Variants in NHEJ1 observed in about 807,000 individuals in gnomAD.
The protein encoded by NHEJ1 is non-homologous end joining factor 1.
A neutral mutation model predicts 39.4 loss-of-function variants in NHEJ1; 22 were observed. The ratio of observed to expected loss-of-function variants is 0.56; its 90% CI spans 0.40 to 0.80. NHEJ1 has a LOEUF of 0.80. Ranked by LOEUF, NHEJ1 falls within the 30% of genes least tolerant of loss-of-function variation. The pLI is 0.00. For synonymous variants in NHEJ1, 154 were observed against 135.6 expected, an observed-to-expected ratio of 1.14 and a Z score of -0.94; for missense variants, 329 against 357.1, an observed-to-expected ratio of 0.92 and a Z score of 0.63.
rs756256025 is a variant in NHEJ1 at position 219,111,044 on chromosome 2, C to T, written c.589-32838G>A. On this transcript the variant is annotated intron_variant, in intron 5 of 7. Transcript: ENST00000356853. The surrounding 1 kb of genome is among the most constrained non-coding windows in gnomAD (Gnocchi z 4.1). ...AAAGTATTTCTCTTTACTGAAACAG[C>T]TCAAAGTTCCTTTAAATAAAACATC... Among the ~76,000 whole-genome samples the T allele has an allele frequency of 6.6e-6, 1 of 152,150 alleles. No individual in the cohort carries two copies. Among genetic ancestry groups the T allele is most frequent in the African/African-American group, 2.4e-5 (1 of 41,414 alleles).
chr2:219,147,495 CAA>C (rs1949752537), intron 4 of NHEJ1, among the ~76,000 whole-genome samples, 160 bp downstream of exon 4: 1 of 152,078 alleles, frequency 6.6e-6, no homozygotes, highest in Non-Finnish European at 1.5e-5. Context: ...AACAAACAAA[CAA>C]AAAAGAGTCA....
chr2:219,123,348 T>C (rs1340082592), intron 5 of NHEJ1, among the ~76,000 whole-genome samples: 1 of 152,204 alleles, frequency 6.6e-6, no homozygotes, highest in Non-Finnish European at 1.5e-5. Flanking sequence ...GACTGAGACT[T>C]AAGCGGAAAG....
intron 3 of NHEJ1, among the ~76,000 whole-genome samples, chr2:219,150,871 G>A (rs1305050462): frequency 7.2e-5 from 11 of 151,996 alleles, no homozygotes; most frequent in African/African-American, 2.2e-4. Context: ...CAGAAGAATC[G>A]CCTGAACCCA....
rs147805428 is a variant in NHEJ1, at chr2:219,113,557, C to T, written c.588+33123G>A. Among the ~76,000 whole-genome samples the T allele has an allele frequency of 1.2e-4, 19 of 152,240 alleles. 1 individual carries two copies. Among genetic ancestry groups the T allele is most frequent in the African/African-American group, 4.1e-4 (17 of 41,532 alleles). ...CTCTGGCTTTGTCCTTCTTCAGAGGCTCCAGATAAGTGATAAGCCTCCAAG... is the reference window on the plus strand; with the variant it reads ...CTCTGGCTTTGTCCTTCTTCAGAGGTTCCAGATAAGTGATAAGCCTCCAAG... On this transcript the variant is annotated intron_variant, in intron 5 of 7. Transcript: ENST00000356853.
intron 5 of NHEJ1, among the ~76,000 whole-genome samples, chr2:219,139,435 G>A (rs1949669168): frequency 6.6e-6 from 1 of 152,086 alleles, no homozygotes. Context: ...ACCAGGTCCT[G>A]TGAGTAGCCC....
rs143557047 is a variant in NHEJ1, at chr2:219,137,595, A to AAAAAAAAAAAAAAAAAAAAAC, written c.588+9084_588+9085insGTTTTTTTTTTTTTTTTTTTT. Among the ~76,000 whole-genome samples the AAAAAAAAAAAAAAAAAAAAAC allele has an allele frequency of 1.3e-3, 108 of 82,698 alleles. 16 individuals are homozygous for AAAAAAAAAAAAAAAAAAAAAC. Among genetic ancestry groups the AAAAAAAAAAAAAAAAAAAAAC allele is most frequent in the Middle Eastern group, 0.017 (2 of 116 alleles). The allele number at this position is 82,698 out of a possible 152,430, so 54.3% of individuals were successfully genotyped here. A position where few individuals can be genotyped will look rare whatever the true frequency, so the allele number is the denominator to read the frequency against. ...CAAAAAAAAAAAAAAAAAAAAAACA[A>AAAAAAAAAAAAAAAAAAAAAC]AAAAAACTGAAAACCACCTTCAGAA... On this transcript the variant is annotated intron_variant, in intron 5 of 7. Coordinates refer to ENST00000356853, the MANE Select transcript of NHEJ1 (RefSeq NM_024782.3).
chr2:219,116,392 T>C (rs1415604509), intron 5 of NHEJ1, among the ~76,000 whole-genome samples: 2 of 152,156 alleles, frequency 1.3e-5, no homozygotes, highest in Non-Finnish European at 2.9e-5. Context: ...GGTCTCACTT[T>C]GTAGCCCAGG....
intron 5 of NHEJ1, among the ~76,000 whole-genome samples, chr2:219,083,944 C>T (rs1366379442): frequency 1.3e-5 from 2 of 151,424 alleles, no homozygotes; most frequent in Admixed American, 6.6e-5. Context: ...TATGATGGGG[C>T]TATCTCTGGA....
chr2:219,137,071 GAAA>G (rs769632691), intron 5 of NHEJ1, among the ~76,000 whole-genome samples: 1 of 64,970 alleles, frequency 1.5e-5, no homozygotes, highest in Admixed American at 1.7e-4. Context: ...CTCTTCTTGA[GAAA>G]AAAAAAAAAA....
chr2:219,075,353 T>C lies in NHEJ1; in HGVS notation c.*1028A>G, dbSNP rs1052476503. 1 of 152,262 alleles carries C rather than the reference T, an allele frequency of 6.6e-6. No homozygotes were observed. Among genetic ancestry groups the C allele is most frequent in the African/African-American group, 2.4e-5 (1 of 41,468 alleles). 9.4% of individuals were successfully genotyped at this position (152,262 alleles called of 1,614,324 possible). ...TGTTCTTATTATAATTATTTTATTA[T>C]TGTTTGATCATCTTCTCTCGAGACT... is the stretch of plus-strand genomic sequence containing the variant. On this transcript the variant is annotated 3_prime_UTR_variant, in exon 8 of 8. Transcript: ENST00000356853.
intron 5 of NHEJ1, among the ~76,000 whole-genome samples, chr2:219,140,736 T>C (rs1241461046): frequency 6.6e-6 from 1 of 152,212 alleles, no homozygotes; most frequent in Non-Finnish European, 1.5e-5. Flanking sequence ...TTAAACTTCT[T>C]CATGAAAATG....
Position 219,078,195 on chromosome 2 carries a change from C to A in NHEJ1, c.600G>T (p.Glu200Asp), listed in dbSNP as rs541803549. 2 of 1,614,008 alleles carry A rather than the reference C, an allele frequency of 1.2e-6. No individual in the cohort carries two copies. Among genetic ancestry groups the A allele is most frequent in the South Asian group, 2.2e-5 (2 of 91,078 alleles). ...GCTTTCCATCACCAATGCTGCATGCCTCTGGCAGTTTCTGTAAGAGAGAGG... is the reference window on the plus strand; with the variant it reads ...GCTTTCCATCACCAATGCTGCATGCATCTGGCAGTTTCTGTAAGAGAGAGG... ...LEQFMIEKLPEACSIGDGKPF... is the reference protein window; with the variant it reads ...LEQFMIEKLPDACSIGDGKPF... The change falls in exon 6 of 8, where the codon GAG becomes GAT. Residue 200 changes from glutamate (E) to aspartate (D), a missense_variant. By Grantham distance (45) the Glu-to-Asp change is conservative. Transcript: ENST00000356853.
intron 5 of NHEJ1, among the ~76,000 whole-genome samples, chr2:219,108,824 A>G (rs1187025160): frequency 4.6e-5 from 7 of 152,100 alleles, no homozygotes; most frequent in Non-Finnish European, 1.0e-4. Flanking sequence ...AAAAAAAAAA[A>G]GGTTTTTCTA....
rs1440609314 is a variant in NHEJ1, at chr2:219,070,892, A to G, written c.*5489T>C. ...CTTCAAATGTCATCACACCGTTATTAGTATTGCTGTTATCTATGAAACAAA... is the reference window on the plus strand; with the variant it reads ...CTTCAAATGTCATCACACCGTTATTGGTATTGCTGTTATCTATGAAACAAA... On this transcript the variant is annotated 3_prime_UTR_variant, in exon 8 of 8. Transcript: ENST00000356853. Among the ~76,000 whole-genome samples, 2 of 152,206 alleles carry G rather than the reference A, an allele frequency of 1.3e-5. No individual in the cohort carries two copies. Among genetic ancestry groups the G allele is most frequent in the African/African-American group, 2.4e-5 (1 of 41,448 alleles).
At chr2:219,129,069 GATC>G (rs1949552148) in intron 5 of NHEJ1, among the ~76,000 whole-genome samples, 1 of 152,194 alleles carries the variant, frequency 6.6e-6, no homozygotes, top group Non-Finnish European at 1.5e-5. Flanking sequence ...AATCCAAGAA[GATC>G]ATCATCTAAC....
At chr2:219,099,559 A>C (rs576655257) in intron 5 of NHEJ1, among the ~76,000 whole-genome samples, 10 of 152,202 alleles carry the variant, frequency 6.6e-5, no homozygotes, top group Non-Finnish European at 1.2e-4. Flanking sequence ...AGTGCATTTC[A>C]TAACAGTGAA....
At chr2:219,086,744 G>A (rs1287604040) in intron 5 of NHEJ1, among the ~76,000 whole-genome samples, 1 of 152,030 alleles carries the variant, frequency 6.6e-6, no homozygotes, top group Non-Finnish European at 1.5e-5. Flanking sequence ...GTGAAGGTGG[G>A]GGCGGGGCAG....
intron 5 of NHEJ1, among the ~76,000 whole-genome samples, chr2:219,101,720 C>CTT (rs771681183): frequency 4.8e-5 from 6 of 125,710 alleles, no homozygotes; most frequent in Admixed American, 1.6e-4. Context: ...CTACCTCATT[C>CTT]TTTTTTTTTT....
rs868315865 is a variant in NHEJ1, at chr2:219,114,087, G to C, written c.588+32593C>G. Among the ~76,000 whole-genome samples the C allele has an allele frequency of 1.2e-4, 18 of 152,296 alleles. No individual in the cohort carries two copies. In the Middle Eastern group the frequency reaches 0.01, roughly 86 times the overall value. ...CTTAGGGAGAAGTTCACGGCTTTGAGCATGTTAAGGAAATCTCTGAAAACA... is the reference window on the plus strand; with the variant it reads ...CTTAGGGAGAAGTTCACGGCTTTGACCATGTTAAGGAAATCTCTGAAAACA... On this transcript the variant is annotated intron_variant, in intron 5 of 7. Coordinates refer to ENST00000356853, the MANE Select transcript of NHEJ1 (RefSeq NM_024782.3).
Sources: gnomAD v4.1 joint callset for allele counts (sites outside exome capture counted in the v4.1 genomes callset) on GRCh38, gnomAD v4.1.1 for gene constraint, Gnocchi (gnomAD v3.1) non-coding constraint, MANE v1.5 for transcripts, NCBI Gene and HGNC (gene_info 2026-07-23, HGNC 2026-07-21) for gene names.